The following PKP4 variants were observed in gnomAD, a reference collection of about 807,000 sequenced individuals.
PKP4 encodes the protein plakophilin 4.
In PKP4, 90 loss-of-function variants were observed where a neutral mutation model predicts 145.1. The observed-to-expected ratio is 0.62, with a 90% CI of 0.52 to 0.74. The LOEUF (loss-of-function observed/expected upper bound fraction) is 0.74. Ranked by LOEUF, PKP4 falls within the 30% of genes least tolerant of loss-of-function variation. The pLI, the probability that PKP4 is intolerant of heterozygous loss-of-function variation, is 0.00. For synonymous variants in PKP4, 563 were observed against 577.2 expected (o/e 0.98, Z 0.35); for missense variants, 1,340 against 1,482.7 (o/e 0.90, Z 1.58).
intron 19 of PKP4, 138 bp from the exon 20 acceptor site, chr2:158,676,601 C>A: frequency 9.6e-7 from 1 of 1,041,724 alleles, no homozygotes; most frequent in Non-Finnish European, 1.5e-6. Context: ...CTCCCAGCAC[C>A]TCTGAGATAT....
chr2:158,520,569 C>T (rs1434870486), intron 1 of PKP4, among the ~76,000 whole-genome samples: 1 of 152,104 alleles, frequency 6.6e-6, no homozygotes. Flanking sequence ...ATTCTTTTTC[C>T]ATTCTGTGAG....
intron 1 of PKP4, among the ~76,000 whole-genome samples, chr2:158,503,489 A>G (rs1355841192): frequency 2.0e-5 from 3 of 152,238 alleles, no homozygotes; most frequent in Non-Finnish European, 4.4e-5. Flanking sequence ...ATATTCTCAT[A>G]TATAAACTCA....
intron 2 of PKP4, among the ~76,000 whole-genome samples, chr2:158,552,057 C>G (rs190997659): frequency 3.9e-5 from 6 of 152,250 alleles, no homozygotes; most frequent in African/African-American, 1.2e-4. Context: ...GGGAGATTAT[C>G]CTGGATTATC....
intron 2 of PKP4, among the ~76,000 whole-genome samples, chr2:158,572,515 T>A (rs886931512): frequency 6.6e-6 from 1 of 152,204 alleles, no homozygotes; most frequent in Non-Finnish European, 1.5e-5. Context: ...TTGAACATGC[T>A]ATTTGACAGC....
At chr2:158,469,048 G>A (rs1417098235) in intron 1 of PKP4, among the ~76,000 whole-genome samples, 1 of 150,484 alleles carries the variant, frequency 6.6e-6, no homozygotes, top group Non-Finnish European at 1.5e-5. Flanking sequence ...CAAAGTGCTG[G>A]GATTACAGGC....
chr2:158,516,661 T>C (rs1252804277), intron 1 of PKP4, among the ~76,000 whole-genome samples: 2 of 146,584 alleles, frequency 1.4e-5, no homozygotes, highest in Non-Finnish European at 3.0e-5. Context: ...TACTTTTCTT[T>C]TTTTTTTTTT....
rs75225807 is a variant in PKP4 at position 158,606,103 on chromosome 2, A to G, written c.280+2999A>G. 9.3e-3 allele frequency among the ~76,000 whole-genome samples: 1,417 copies of G among 152,290 alleles called. 14 individuals carry two copies. Among genetic ancestry groups the G allele is most frequent in the African/African-American group, 0.031 (1,296 of 41,552 alleles). ...ATAAAAGTTTTGAATATATGTTTTC[A>G]GTTCTCTTAAGTATAAACCTATTAG... is the stretch of plus-strand genomic sequence containing the variant. On this transcript the variant is annotated intron_variant, in intron 4 of 21. Coordinates refer to ENST00000389759, the MANE Select transcript of PKP4 (RefSeq NM_003628.6).
intron 2 of PKP4, among the ~76,000 whole-genome samples, chr2:158,565,828 CT>C (rs1478655144): frequency 1.3e-5 from 2 of 152,090 alleles, no homozygotes; most frequent in Non-Finnish European, 2.9e-5. Flanking sequence ...CTTTCTTAAC[CT>C]TCTTTCCGAA....
rs750660831 is a variant in PKP4 at position 158,673,767 on chromosome 2, C to G, written c.3009+6C>G. On this transcript the variant is annotated splice_donor_region_variant and intron_variant, in intron 18 of 21. Transcript: ENST00000389759. ...TCCGGAGCATTTATAAAAAGGTAAC[C>G]TACAAGAATAGCTCTGGCATAATTA... The G allele has an allele frequency of 1.3e-6, 2 of 1,586,392 alleles. No individual in the cohort carries two copies. Among genetic ancestry groups the G allele is most frequent in the South Asian group, 2.2e-5 (2 of 90,528 alleles).
Position 158,681,297 on chromosome 2 carries a change from G to GTACTT in PKP4, c.*622_*626dup, listed in dbSNP as rs1202415951. On this transcript the variant is annotated 3_prime_UTR_variant, in exon 22 of 22. Coordinates refer to ENST00000389759, the MANE Select transcript of PKP4 (RefSeq NM_003628.6). ...ACCCTTTGTCTCCACCACACATAGT[G>GTACTT]TACTTTGGAAGCACAACGTCCAGGC... 2 of 152,796 alleles carry GTACTT rather than the reference G, an allele frequency of 1.3e-5. No individual in the cohort carries two copies. The highest frequency in any genetic ancestry group is 2.9e-5 in the Non-Finnish European group (2 of 68,186). 9.5% of individuals were successfully genotyped at this position (152,796 alleles called of 1,614,324 possible).
chr2:158,522,768 G>C (rs1051434680), intron 1 of PKP4, among the ~76,000 whole-genome samples: 3 of 152,252 alleles, frequency 2.0e-5, no homozygotes, highest in Non-Finnish European at 2.9e-5. Flanking sequence ...AGGCCAGTGG[G>C]TGTGCGCACC....
At chr2:158,581,806 G>A (rs1010579707) in intron 3 of PKP4, among the ~76,000 whole-genome samples, 3 of 152,192 alleles carry the variant, frequency 2.0e-5, no homozygotes, top group Non-Finnish European at 2.9e-5. Context: ...TTTATTTGCA[G>A]TATGCCTTCT....
rs773651158 is a variant in PKP4 at position 158,625,103 on chromosome 2, C to A, written c.829C>A (p.Gln277Lys). The change falls in exon 7 of 22, where the codon CAG (glutamine) becomes AAG (lysine). Residue 277 changes from glutamine (Q) to lysine (K), a missense_variant. Physicochemically the swap from Gln to Lys is moderately conservative, Grantham distance 53. Coordinates refer to ENST00000389759, the MANE Select transcript of PKP4 (RefSeq NM_003628.6). ...PAARAASPYS[Q>K]RPASPTAIRR... ...TGCACGGGCAGCCTCTCCGTACTCA[C>A]AGAGACCCGCCTCCCCAACAGCTAT... 6.2e-7 allele frequency: 1 copy of A among 1,614,200 alleles called. No individual in the cohort carries two copies. Among genetic ancestry groups the A allele is most frequent in the Admixed American group, 1.7e-5 (1 of 60,028 alleles).
At chr2:158,498,814 G>GTT (rs34272669) in intron 1 of PKP4, among the ~76,000 whole-genome samples, 12 of 131,156 alleles carry the variant, frequency 9.1e-5, no homozygotes, top group Admixed American at 1.5e-4. Flanking sequence ...GGTTGTGAGT[G>GTT]TTTTTTTTTT....
intron 1 of PKP4, among the ~76,000 whole-genome samples, chr2:158,497,654 T>C (rs1276868100): frequency 4.6e-5 from 7 of 152,254 alleles, no homozygotes; most frequent in Non-Finnish European, 8.8e-5. Flanking sequence ...ATTTCACTTC[T>C]CTGGCTCTGT....
intron 1 of PKP4, among the ~76,000 whole-genome samples, chr2:158,506,714 T>C (rs902901658): frequency 1.3e-5 from 2 of 152,248 alleles, no homozygotes; most frequent in Non-Finnish European, 2.9e-5. Context: ...AGGAAAACTT[T>C]ATGAATTGGA....
chr2:158,511,744 A>G (rs1035648660), intron 1 of PKP4, among the ~76,000 whole-genome samples: 1 of 152,334 alleles, frequency 6.6e-6, no homozygotes, highest in South Asian at 2.1e-4. Context: ...TTATTTTTGT[A>G]CAAGCTTTCA....
At chr2:158,552,401 T>G (rs2045708902) in intron 2 of PKP4, among the ~76,000 whole-genome samples, 1 of 152,208 alleles carries the variant, frequency 6.6e-6, no homozygotes, top group Non-Finnish European at 1.5e-5. Context: ...ACTACAGAGT[T>G]TGGCATCAGG....
intron 1 of PKP4, among the ~76,000 whole-genome samples, chr2:158,473,981 A>G (rs1692028693): frequency 6.6e-6 from 1 of 152,218 alleles, no homozygotes; most frequent in African/African-American, 2.4e-5. Context: ...AAGCAAGGTG[A>G]TACTAAATGA....
Sources: gnomAD v4.1 joint callset for allele counts (sites outside exome capture counted in the v4.1 genomes callset) on GRCh38, gnomAD v4.1.1 for gene constraint, MANE v1.5 for transcripts, NCBI Gene and HGNC (gene_info 2026-07-23, HGNC 2026-07-21) for gene names.